Variants in C1orf21 observed in about 807,000 individuals in gnomAD.
The protein encoded by C1orf21 is chromosome 1 open reading frame 21, also known as uncharacterized protein C1orf21.
A neutral mutation model predicts 18.7 loss-of-function variants in C1orf21; 3 were observed. The ratio of observed to expected loss-of-function variants is 0.16; its 90% CI spans 0.07 to 0.42. The LOEUF (loss-of-function observed/expected upper bound fraction) is 0.42. Ranked by LOEUF, C1orf21 falls within the 10% of genes least tolerant of loss-of-function variation. The pLI, the probability that C1orf21 is intolerant of heterozygous loss-of-function variation, is 0.99. For synonymous variants in C1orf21, 41 were observed against 46.4 expected (o/e 0.88, Z 0.47); for missense variants, 104 against 143.6 (o/e 0.72, Z 1.41).
chr1:184,542,281 A>T (rs141198206), intron 3 of C1orf21, among the ~76,000 whole-genome samples: 76 of 152,336 alleles, frequency 5.0e-4, no homozygotes, highest in African/African-American at 1.7e-3. Flanking sequence ...AGTTCTAAGC[A>T]CTTTACATGT....
At position 184,461,568 on chromosome 1, in the gene C1orf21, G is replaced by A. The variant is rs188373575; in HGVS notation, c.-124-15818G>A. Among the ~76,000 whole-genome samples the A allele has an allele frequency of 5.9e-5, 9 of 152,286 alleles. No homozygotes were observed. In the East Asian group the frequency reaches 1.7e-3, roughly 29 times the overall value. ...TGGCTGCTGCATTTCCTGTCTTGTAGATTGATGACCTTTAGCTGTTTTGTT... is the reference window on the plus strand; with the variant it reads ...TGGCTGCTGCATTTCCTGTCTTGTAAATTGATGACCTTTAGCTGTTTTGTT... On this transcript the variant is annotated intron_variant, in intron 1 of 5. Transcript: ENST00000235307.
At chr1:184,525,059 A>G (rs1658358925) in intron 3 of C1orf21, among the ~76,000 whole-genome samples, 1 of 152,048 alleles carries the variant, frequency 6.6e-6, no homozygotes, top group African/African-American at 2.4e-5. Context: ...CTTACACATC[A>G]TGTTTTTGCA....
chr1:184,391,034 A>G (rs1032826149), intron 1 of C1orf21, among the ~76,000 whole-genome samples: 1 of 152,214 alleles, frequency 6.6e-6, no homozygotes, highest in Non-Finnish European at 1.5e-5. Flanking sequence ...CTGAAGTGGC[A>G]TGTAAATTAC....
chr1:184,593,345 C>A (rs952918842), intron 4 of C1orf21, among the ~76,000 whole-genome samples: 2 of 151,938 alleles, frequency 1.3e-5, no homozygotes, highest in African/African-American at 4.8e-5. Flanking sequence ...CATTGGATTC[C>A]TGGAATTCAA....
intron 2 of C1orf21, among the ~76,000 whole-genome samples, chr1:184,503,874 G>A (rs1474149000): frequency 6.6e-6 from 1 of 152,128 alleles, no homozygotes; most frequent in African/African-American, 2.4e-5. Flanking sequence ...GGCATGTCAG[G>A]ATTATTAAAA....
intron 3 of C1orf21, among the ~76,000 whole-genome samples, chr1:184,509,343 G>C (rs893528767): frequency 6.6e-6 from 1 of 152,126 alleles, no homozygotes; most frequent in Admixed American, 6.6e-5. Context: ...ATAGGAATTT[G>C]AAAAGAGAAA....
intron 1 of C1orf21, among the ~76,000 whole-genome samples, chr1:184,439,994 C>T (rs1300483018): frequency 6.6e-6 from 1 of 151,862 alleles, no homozygotes; most frequent in Non-Finnish European, 1.5e-5. Context: ...GACACTGAAC[C>T]CTGAGATATA....
At chr1:184,574,891 T>G (rs1446976642) in intron 3 of C1orf21, among the ~76,000 whole-genome samples, 1 of 152,180 alleles carries the variant, frequency 6.6e-6, no homozygotes, top group Non-Finnish European at 1.5e-5. Flanking sequence ...CCTGTCACTA[T>G]CCCGCATCCA....
At chr1:184,451,281 CA>C (rs1657115892) in intron 1 of C1orf21, among the ~76,000 whole-genome samples, 1 of 151,698 alleles carries the variant, frequency 6.6e-6, no homozygotes, top group South Asian at 2.1e-4. Context: ...AACTTTGGAA[CA>C]TTTTTTTGTT....
chr1:184,491,925 G>A (rs1342440541), intron 2 of C1orf21, among the ~76,000 whole-genome samples: 1 of 152,200 alleles, frequency 6.6e-6, no homozygotes, highest in Non-Finnish European at 1.5e-5. Flanking sequence ...TCTTCATTCT[G>A]AGGCGTAAAG....
intron 1 of C1orf21, among the ~76,000 whole-genome samples, chr1:184,469,606 C>T (rs1239984516): frequency 1.3e-5 from 2 of 152,226 alleles, no homozygotes; most frequent in African/African-American, 4.8e-5. Context: ...CTACAGTTCT[C>T]TGTTGTAGTT....
At position 184,623,866 on chromosome 1, in the gene C1orf21, C is replaced by A. The variant is rs1348397380; in HGVS notation, c.*4310C>A. The A allele has an allele frequency of 6.6e-6, 1 of 152,590 alleles. No homozygotes were observed. The highest frequency in any genetic ancestry group is 2.4e-5 in the African/African-American group (1 of 41,426). The allele number at this position is 152,590 out of a possible 1,614,324, so 9.5% of individuals were successfully genotyped here. On this transcript the variant is annotated 3_prime_UTR_variant, in exon 6 of 6. Coordinates refer to ENST00000235307, the MANE Select transcript of C1orf21 (RefSeq NM_030806.4). The stretch of plus-strand genomic sequence containing the variant: ...CCTCTGGGACAAACCTTAGGACTCA[C>A]AAGCTATGCCATGTTTTTCAGGAGA...
rs115790471 is a variant in C1orf21, at chr1:184,479,769, G to T, written c.94+2166G>T. 1.3e-3 allele frequency among the ~76,000 whole-genome samples: 202 copies of T among 151,828 alleles called. 1 individual carries two copies. The highest frequency in any genetic ancestry group is 4.7e-3 in the African/African-American group (195 of 41,390). On this transcript the variant is annotated intron_variant, in intron 2 of 5. Coordinates refer to ENST00000235307, the MANE Select transcript of C1orf21 (RefSeq NM_030806.4). ...TGAGTAGCTTTGGGACTACAGGCAC[G>T]TGCGCTCACACCTGGCTAATTTTTT...
intron 4 of C1orf21, among the ~76,000 whole-genome samples, chr1:184,597,828 C>T (rs912806908): frequency 1.3e-5 from 2 of 152,174 alleles, no homozygotes; most frequent in Non-Finnish European, 2.9e-5. Flanking sequence ...GACATGCGTC[C>T]TCCCACGTTC....
intron 4 of C1orf21, among the ~76,000 whole-genome samples, chr1:184,596,893 G>GAAAGA (rs1456207903): frequency 5.3e-5 from 8 of 150,024 alleles, no homozygotes; most frequent in East Asian, 1.9e-4. Flanking sequence ...AAAAAAGAAA[G>GAAAGA]AAAGAAAAGA....
chr1:184,495,552 C>T (rs1657880990), intron 2 of C1orf21, among the ~76,000 whole-genome samples: 1 of 152,058 alleles, frequency 6.6e-6, no homozygotes, highest in Non-Finnish European at 1.5e-5. Flanking sequence ...CTCATCTTCC[C>T]TCCCTCCCCC....
intron 3 of C1orf21, among the ~76,000 whole-genome samples, chr1:184,587,524 T>TTGTGTGTG (rs3034486): frequency 5.4e-4 from 75 of 139,718 alleles, no homozygotes; most frequent in Non-Finnish European, 9.6e-4. Context: ...TTCCTAGGAA[T>TTGTGTGTG]TGTGTGTGTG....
At chr1:184,389,079 T>C (rs536035521) in intron 1 of C1orf21, among the ~76,000 whole-genome samples, 10 of 152,150 alleles carry the variant, frequency 6.6e-5, no homozygotes, top group Non-Finnish European at 1.2e-4. Flanking sequence ...TTTATAGGCG[T>C]TAAACCAATG....
rs1412555673 is a variant in C1orf21 at position 184,621,208 on chromosome 1, G to A, written c.*1652G>A. 1 of 152,548 alleles carries A rather than the reference G, an allele frequency of 6.6e-6. No homozygotes were observed. Among genetic ancestry groups the A allele is most frequent in the Non-Finnish European group, 1.5e-5 (1 of 68,044 alleles). The allele number at this position is 152,548 out of a possible 1,614,324, so 9.4% of individuals were successfully genotyped here. On this transcript the variant is annotated 3_prime_UTR_variant, in exon 6 of 6. Coordinates refer to ENST00000235307, the MANE Select transcript of C1orf21 (RefSeq NM_030806.4). ...AGATTCCCTATCTCCTTTTAGACCT[G>A]GGACGGCAAAAGGGAAGGGAAGGAA...
Sources: allele counts gnomAD v4.1 joint callset (sites outside exome capture counted in the v4.1 genomes callset), GRCh38; gene constraint gnomAD v4.1.1; transcripts MANE v1.5; gene names NCBI Gene and HGNC (gene_info 2026-07-23, HGNC 2026-07-21).